Variants in TMEM182 observed in about 807,000 individuals in gnomAD.
TMEM182 encodes the protein transmembrane protein 182.
A neutral mutation model predicts 26.8 loss-of-function variants in TMEM182; 20 were observed. The observed-to-expected ratio is 0.75, with a 90% CI of 0.53 to 1.09. The LOEUF is 1.09. Among genes scored for constraint, TMEM182 ranks in the 50% least tolerant of loss-of-function variants. TMEM182 has a pLI of 0.00. For missense variants in TMEM182, 277 were observed against 275.5 expected, an observed-to-expected ratio of 1.01 and a Z score of -0.04; for synonymous variants, 109 against 102.2, an observed-to-expected ratio of 1.07 and a Z score of -0.40.
At chr2:102,742,669 A>T (rs1157470295) in intron 1 of TMEM182, among the ~76,000 whole-genome samples, 1 of 152,188 alleles carries the variant, frequency 6.6e-6, no homozygotes, top group African/African-American at 2.4e-5. Context: ...ATCTTGAAAT[A>T]AGCCAGAGAA....
intron 3 of TMEM182, among the ~76,000 whole-genome samples, chr2:102,773,273 A>G (rs1264638696): frequency 1.3e-5 from 2 of 152,012 alleles, no homozygotes; most frequent in Non-Finnish European, 2.9e-5. Flanking sequence ...ATGAAGCAAC[A>G]TAGCTTGGCC....
intron 3 of TMEM182, among the ~76,000 whole-genome samples, chr2:102,840,187 T>A (rs954529252): frequency 3.9e-5 from 6 of 151,990 alleles, no homozygotes; most frequent in African/African-American, 1.5e-4. Flanking sequence ...TTTGAGCACA[T>A]CTCGAAGGGT....
At chr2:102,839,842 C>T (rs1440799832) in intron 3 of TMEM182, among the ~76,000 whole-genome samples, 2 of 152,158 alleles carry the variant, frequency 1.3e-5, no homozygotes, top group Non-Finnish European at 2.9e-5. Flanking sequence ...AGCAATTCTA[C>T]AAGGGAAGCA....
chr2:102,797,405 A>G (rs1002528885), intron 3 of TMEM182, among the ~76,000 whole-genome samples: 2 of 152,204 alleles, frequency 1.3e-5, no homozygotes, highest in East Asian at 1.9e-4. Flanking sequence ...AGAGATAATC[A>G]TGGTACAAAT....
chr2:102,751,566 T>G (rs2104640168), intron 1 of TMEM182, among the ~76,000 whole-genome samples: 1 of 152,300 alleles, frequency 6.6e-6, no homozygotes, highest in Non-Finnish European at 1.5e-5. Context: ...TACTCTTTGT[T>G]AGCAAAGAAA....
At chr2:102,788,813 A>G (rs899158586) in intron 3 of TMEM182, among the ~76,000 whole-genome samples, 5 of 152,240 alleles carry the variant, frequency 3.3e-5, no homozygotes, top group Admixed American at 3.3e-4. Flanking sequence ...GTGGGAGGTT[A>G]ATAAACTTCA....
intron 3 of TMEM182, among the ~76,000 whole-genome samples, chr2:102,833,801 A>G (rs1683194121): frequency 2.6e-5 from 4 of 152,178 alleles, no homozygotes; most frequent in Admixed American, 2.0e-4. Context: ...TGTCTCATTT[A>G]TATTTGTCTG....
At chr2:102,808,967 A>G (rs547157104) in intron 4 of TMEM182, among the ~76,000 whole-genome samples, 94 of 152,312 alleles carry the variant, frequency 6.2e-4, no homozygotes, top group Middle Eastern at 3.4e-3. Context: ...TCTATTTTTA[A>G]TTGGTTGTGG....
In TMEM182 at chr2:102,797,639, G is replaced by A. The variant is rs1681924400; in HGVS notation, c.332-224G>A. On this transcript the variant is annotated intron_variant, in intron 3 of 4. Coordinates refer to ENST00000412401, the MANE Select transcript of TMEM182 (RefSeq NM_144632.5). ...TAAGCATGTGTGTGGTACAAACATT[G>A]AGCAAGAGGAGTTGATTGAAGGTCA... 5 of 499,182 alleles carry A rather than the reference G, an allele frequency of 1.0e-5. No individual in the cohort carries two copies. The South Asian group carries it at 1.5e-4, about 15-fold the overall frequency. The allele number at this position is 499,182 out of a possible 1,614,324, so 30.9% of individuals were successfully genotyped here. A position where few individuals can be genotyped will look rare whatever the true frequency, so the allele number is the denominator to read the frequency against.
chr2:102,784,664 G>T (rs1357241835), intron 3 of TMEM182, among the ~76,000 whole-genome samples: 1 of 152,190 alleles, frequency 6.6e-6, no homozygotes, highest in East Asian at 1.9e-4. Flanking sequence ...GCAGCCCTTA[G>T]GGCTGCTGGT....
intron 3 of TMEM182, among the ~76,000 whole-genome samples, chr2:102,793,791 C>A (rs187067252): frequency 6.6e-6 from 1 of 151,810 alleles, no homozygotes; most frequent in South Asian, 2.1e-4. Flanking sequence ...TGGTTGAATC[C>A]ACAGATGCAA....
chr2:102,782,635 C>A (rs1005479429), intron 3 of TMEM182, among the ~76,000 whole-genome samples: 1 of 152,098 alleles, frequency 6.6e-6, no homozygotes, highest in Admixed American at 6.5e-5. Context: ...GGTCTCTCAC[C>A]CAAAGATCGG....
downstream of TMEM182, among the ~76,000 whole-genome samples, chr2:102,818,649 T>C (rs1682830116): frequency 6.6e-6 from 1 of 152,138 alleles, no homozygotes; most frequent in Non-Finnish European, 1.5e-5. Context: ...CAGCTATGAC[T>C]GAAAAATTGA....
At chr2:102,803,481 GA>G (rs1360612719) in intron 4 of TMEM182, among the ~76,000 whole-genome samples, 1 of 152,192 alleles carries the variant, frequency 6.6e-6, no homozygotes, top group African/African-American at 2.4e-5. Flanking sequence ...GACTTAAAAG[GA>G]AGTGGGATTT....
chr2:102,742,048 A>G (rs1679559352), intron 1 of TMEM182, among the ~76,000 whole-genome samples: 1 of 152,238 alleles, frequency 6.6e-6, no homozygotes, highest in South Asian at 2.1e-4. Context: ...AAGCGTTAGA[A>G]CTAGACTCAG....
intron 3 of TMEM182, among the ~76,000 whole-genome samples, chr2:102,795,626 T>C (rs1481552820): frequency 1.3e-5 from 2 of 152,230 alleles, no homozygotes; most frequent in Admixed American, 6.5e-5. Context: ...AATTTGGTTC[T>C]TAAAGACTTT....
At chr2:102,812,415 AC>A (rs1682588389) in intron 4 of TMEM182, among the ~76,000 whole-genome samples, 1 of 151,360 alleles carries the variant, frequency 6.6e-6, no homozygotes, top group Non-Finnish European at 1.5e-5. Flanking sequence ...ACACACACAC[AC>A]ACACACACAC....
chr2:102,765,664 G>T (rs1309819253), intron 3 of TMEM182, among the ~76,000 whole-genome samples: 3 of 152,086 alleles, frequency 2.0e-5, no homozygotes, highest in Admixed American at 6.6e-5. Context: ...TTTTGTCAAA[G>T]AATGTAACAT....
chr2:102,821,470 A>G (rs562256016), downstream of TMEM182, among the ~76,000 whole-genome samples: 2 of 152,230 alleles, frequency 1.3e-5, no homozygotes, highest in South Asian at 4.2e-4. Flanking sequence ...GCCATGTGAC[A>G]TGCCTGCTCC....
Sources: allele counts gnomAD v4.1 joint callset (sites outside exome capture counted in the v4.1 genomes callset), GRCh38; gene constraint gnomAD v4.1.1; transcripts MANE v1.5; gene names NCBI Gene and HGNC (gene_info 2026-07-23, HGNC 2026-07-21).